RAB1A: variants seen among roughly 807,000 people sequenced by gnomAD.
RAB1A encodes the protein RAB1A, member RAS oncogene family.
In RAB1A, 2 loss-of-function variants were observed where a neutral mutation model predicts 26.0. That is an observed-to-expected ratio of 0.08 (90% CI 0.03 to 0.24). The LOEUF (loss-of-function observed/expected upper bound fraction) is 0.24, where lower values mean the gene tolerates loss of function less well. Among genes scored for constraint, RAB1A ranks in the 10% least tolerant of loss-of-function variants. RAB1A has a pLI of 1.00. For missense variants in RAB1A, 100 were observed against 247.0 expected (o/e 0.40, Z 3.99); for synonymous variants, 84 against 84.9 (o/e 0.99, Z 0.06).
intron 1 of RAB1A, among the ~76,000 whole-genome samples, chr2:65,123,486 A>C: frequency 6.6e-6 from 1 of 152,086 alleles, no homozygotes; most frequent in East Asian, 1.9e-4. Context: ...CAGAATTAAA[A>C]AGACCAAGAT....
chr2:65,122,917 G>A lies in RAB1A; in HGVS notation c.23+6976C>T, dbSNP rs576456307. On this transcript the variant is annotated intron_variant, in intron 1 of 5. Coordinates refer to ENST00000409784, the MANE Select transcript of RAB1A (RefSeq NM_004161.5). ...GCCCAGGAGGCAGAGCTTGCAGTGA[G>A]CCCAGATCACACCACTGCACTCCAG... 7.0e-4 allele frequency among the ~76,000 whole-genome samples: 96 copies of A among 137,320 alleles called. 1 individual carries two copies. In the South Asian group the frequency reaches 0.022, roughly 31 times the overall value. 90.1% of individuals were successfully genotyped at this position (137,320 alleles called of 152,430 possible). A position where few individuals can be genotyped will look rare whatever the true frequency, so the allele number is the denominator to read the frequency against.
intron 1 of RAB1A, among the ~76,000 whole-genome samples, chr2:65,120,294 A>C (rs1397247452): frequency 6.6e-6 from 1 of 151,912 alleles, no homozygotes; most frequent in Non-Finnish European, 1.5e-5. Context: ...CGTCTTTACT[A>C]TAAATACAAA....
At chr2:65,089,331 G>A (rs921194964) in intron 4 of RAB1A, among the ~76,000 whole-genome samples, 6 of 151,786 alleles carry the variant, frequency 4.0e-5, no homozygotes, top group South Asian at 2.1e-4. Context: ...TCCCGCCTCC[G>A]CCTCCGGGAT....
intron 2 of RAB1A, among the ~76,000 whole-genome samples, chr2:65,104,493 C>CA (rs1669508100): frequency 6.6e-6 from 1 of 152,154 alleles, no homozygotes; most frequent in Non-Finnish European, 1.5e-5. Context: ...TGACTCTGAC[C>CA]AAAAGTATTA....
chr2:65,097,358 G>C (rs6713746), intron 3 of RAB1A, among the ~76,000 whole-genome samples: 99,119 of 152,028 alleles, frequency 0.65, 32,582 homozygotes, highest in Non-Finnish European at 0.69. Flanking sequence ...GGATGGCACA[G>C]AGACACAAAA....
At chr2:65,119,747 G>A (rs1212001119) in intron 1 of RAB1A, among the ~76,000 whole-genome samples, 1 of 136,374 alleles carries the variant, frequency 7.3e-6, no homozygotes, top group Non-Finnish European at 1.5e-5. Flanking sequence ...GCTCACAGCT[G>A]TAATCCTAGC....
chr2:65,098,380 T>G (rs918999964), intron 2 of RAB1A, among the ~76,000 whole-genome samples: 1 of 152,186 alleles, frequency 6.6e-6, no homozygotes, highest in Non-Finnish European at 1.5e-5. Flanking sequence ...ATACATCATA[T>G]AGAAAAATAT....
At chr2:65,095,738 G>A (rs1390714506) in intron 3 of RAB1A, among the ~76,000 whole-genome samples, 2 of 152,166 alleles carry the variant, frequency 1.3e-5, no homozygotes, top group East Asian at 1.9e-4. Context: ...AAACCCAGGC[G>A]TGGTGGCTCA....
At position 65,087,872 on chromosome 2, in the gene RAB1A, T is replaced by C. The variant is rs565303305; in HGVS notation, c.*621A>G. 1 of 152,820 alleles carries C rather than the reference T, an allele frequency of 6.5e-6. No individual in the cohort carries two copies. Among genetic ancestry groups the C allele is most frequent in the South Asian group, 2.1e-4 (1 of 4,828 alleles). The allele number at this position is 152,820 out of a possible 1,614,324, so 9.5% of individuals were successfully genotyped here. On this transcript the variant is annotated 3_prime_UTR_variant, in exon 6 of 6. Coordinates refer to ENST00000409784, the MANE Select transcript of RAB1A (RefSeq NM_004161.5). ...AAAACAATACTTATCACCATACAGT[T>C]TGATATTACTTCCAATAAGTACAAT...
At chr2:65,090,780 T>G (rs1669155827) in intron 4 of RAB1A, among the ~76,000 whole-genome samples, 2 of 152,232 alleles carry the variant, frequency 1.3e-5, no homozygotes, top group South Asian at 4.1e-4. Flanking sequence ...AAAGCAAACG[T>G]AAAACTAATT....
intron 1 of RAB1A, among the ~76,000 whole-genome samples, chr2:65,125,843 TC>T (rs1351181067): frequency 6.6e-6 from 1 of 150,820 alleles, no homozygotes; most frequent in African/African-American, 2.4e-5. Context: ...TTTTAACTGT[TC>T]AGATTACACT....
intron 1 of RAB1A, among the ~76,000 whole-genome samples, chr2:65,110,722 C>T (rs1294416452): frequency 1.3e-5 from 2 of 151,866 alleles, no homozygotes; most frequent in African/African-American, 2.4e-5. Flanking sequence ...TCACATGAGG[C>T]CAGAAGTTCA....
At chr2:65,118,958 G>A (rs1669886060) in intron 1 of RAB1A, among the ~76,000 whole-genome samples, 1 of 152,136 alleles carries the variant, frequency 6.6e-6, no homozygotes, top group Middle Eastern at 3.4e-3. Flanking sequence ...GGAGGTCAAA[G>A]AGTGAGGATT....
At chr2:65,106,087 C>G (rs1459386127) in intron 1 of RAB1A, among the ~76,000 whole-genome samples, 1 of 152,152 alleles carries the variant, frequency 6.6e-6, no homozygotes, top group Non-Finnish European at 1.5e-5. Flanking sequence ...TTATGTATCT[C>G]TAACATTGCC....
At chr2:65,117,919 G>C (rs1669862800) in intron 1 of RAB1A, among the ~76,000 whole-genome samples, 1 of 152,198 alleles carries the variant, frequency 6.6e-6, no homozygotes, top group African/African-American at 2.4e-5. Flanking sequence ...AGCAGAAACA[G>C]CCTATTTGTT....
chr2:65,095,109 T>C (rs1026590013), intron 3 of RAB1A, among the ~76,000 whole-genome samples: 3 of 152,130 alleles, frequency 2.0e-5, no homozygotes, highest in African/African-American at 7.2e-5. Context: ...CAAAGTGAAA[T>C]TTTTGTCTCA....
chr2:65,125,743 A>G (rs989556231), intron 1 of RAB1A, among the ~76,000 whole-genome samples: 13 of 151,906 alleles, frequency 8.6e-5, no homozygotes, highest in African/African-American at 3.1e-4. Flanking sequence ...GTGCTGAAAT[A>G]ATCACTGCCT....
intron 1 of RAB1A, 106 bp downstream of exon 1, chr2:65,129,787 C>T (rs936846376): frequency 2.0e-6 from 3 of 1,522,806 alleles, no homozygotes; most frequent in Admixed American, 2.0e-5. Flanking sequence ...TCACCCTCGC[C>T]TCACCCCAGC....
At chr2:65,098,572 C>A (rs569505288) in intron 2 of RAB1A, among the ~76,000 whole-genome samples, 1 of 152,120 alleles carries the variant, frequency 6.6e-6, no homozygotes, top group South Asian at 2.1e-4. Flanking sequence ...ATAAAAGTCA[C>A]CCTTTTGAAG....
Sources: allele counts gnomAD v4.1 joint callset (sites outside exome capture counted in the v4.1 genomes callset), GRCh38; gene constraint gnomAD v4.1.1; transcripts MANE v1.5; gene names NCBI Gene and HGNC (gene_info 2026-07-23, HGNC 2026-07-21).